Variants in ANKRD30BL observed in about 807,000 individuals in gnomAD.
ANKRD30BL encodes ankyrin repeat domain 30B like.
Under a neutral mutation model 18.4 loss-of-function variants are expected in ANKRD30BL, and 20 were observed. That is an observed-to-expected ratio of 1.09 (90% CI 0.77 to 1.58). The LOEUF is 1.58. Among genes scored for constraint, ANKRD30BL ranks in the 40% most tolerant of loss-of-function variants. ANKRD30BL has a pLI of 0.00. For synonymous variants in ANKRD30BL, 72 were observed against 100.9 expected (o/e 0.71, Z 1.72); for missense variants, 224 against 268.6 (o/e 0.83, Z 1.16).
intron 1 of ANKRD30BL, among the ~76,000 whole-genome samples, chr2:132,220,731 C>G (rs1362789964): frequency 6.6e-6 from 1 of 152,066 alleles, no homozygotes; most frequent in Non-Finnish European, 1.5e-5. Context: ...CACCTCCCAG[C>G]CGCCTGCCTT....
At chr2:132,254,664 G>A (rs1680771413) in intron 1 of ANKRD30BL, among the ~76,000 whole-genome samples, 1 of 152,258 alleles carries the variant, frequency 6.6e-6, no homozygotes, top group East Asian at 1.9e-4. Flanking sequence ...GGCACACGCT[G>A]AGCCAGTCAG....
chr2:132,252,374 C>G (rs1461757165), intron 1 of ANKRD30BL, among the ~76,000 whole-genome samples: 2 of 152,238 alleles, frequency 1.3e-5, no homozygotes, highest in Non-Finnish European at 1.5e-5. Flanking sequence ...GCCCCAGGCA[C>G]AGCCCAGAGC....
chr2:132,214,369 T>C (rs1332950271), intron 1 of ANKRD30BL, among the ~76,000 whole-genome samples: 2 of 152,074 alleles, frequency 1.3e-5, no homozygotes, highest in East Asian at 3.9e-4. Flanking sequence ...AGAAACTTGT[T>C]TGTGATCTGT....
At position 132,161,718 on chromosome 2, in the gene ANKRD30BL, C is replaced by T. The variant is rs922608235; in HGVS notation, c.-13G>A. Reference sequence around the variant, plus strand: ...AGAGCCTCTCCATGGCTGCAGCCACCTGCTAGAGAGAGCCCGTGCCTCCCG... The same window carrying T: ...AGAGCCTCTCCATGGCTGCAGCCACTTGCTAGAGAGAGCCCGTGCCTCCCG... On this transcript the variant is annotated 5_prime_UTR_variant, in exon 1 of 6. Transcript: ENST00000409867. The T allele has an allele frequency of 2.9e-5, 38 of 1,325,722 alleles. No homozygotes were observed. The African/African-American group carries it at 3.5e-4, about 12-fold the overall frequency. 82.1% of individuals were successfully genotyped at this position (1,325,722 alleles called of 1,614,324 possible).
At position 132,161,915 on chromosome 2, in the gene ANKRD30BL, C is replaced by G. The variant is rs79351052; in HGVS notation, c.-210G>C. 1.9e-5 allele frequency: 10 copies of G among 530,554 alleles called. No individual in the cohort carries two copies. Among genetic ancestry groups the G allele is most frequent in the South Asian group, 6.7e-5 (3 of 44,976 alleles). The allele number at this position is 530,554 out of a possible 1,614,324, so 32.9% of individuals were successfully genotyped here. A position where few individuals can be genotyped will look rare whatever the true frequency, so the allele number is the denominator to read the frequency against. ...GGCAGCTGAGCAGAACCGTTAGGCACCTGAGCAGAACCTTTAGGCAGCTGA... is the reference window on the plus strand; with the variant it reads ...GGCAGCTGAGCAGAACCGTTAGGCAGCTGAGCAGAACCTTTAGGCAGCTGA... On this transcript the variant is annotated 5_prime_UTR_variant, in exon 1 of 6. Transcript: ENST00000409867.
chr2:132,238,916 C>T (rs775418922), intron 1 of ANKRD30BL, among the ~76,000 whole-genome samples: 2 of 151,646 alleles, frequency 1.3e-5, no homozygotes, highest in Non-Finnish European at 2.9e-5. Context: ...TGGAAGTGGA[C>T]ATTTGGAGTG....
At chr2:132,204,689 C>A (rs1295013377) in intron 1 of ANKRD30BL, among the ~76,000 whole-genome samples, 3 of 151,988 alleles carry the variant, frequency 2.0e-5, no homozygotes, top group African/African-American at 4.8e-5. Context: ...GTAGAAACAG[C>A]TGAACTTAAT....
chr2:132,245,197 G>A (rs1680462335), intron 1 of ANKRD30BL, among the ~76,000 whole-genome samples: 1 of 152,294 alleles, frequency 6.6e-6, no homozygotes. Context: ...GAGCAGATTG[G>A]AAACAGTCTT....
chr2:132,250,666 A>T (rs372998805), intron 1 of ANKRD30BL, among the ~76,000 whole-genome samples: 1 of 152,234 alleles, frequency 6.6e-6, no homozygotes, highest in Non-Finnish European at 1.5e-5. Context: ...AAGGTGATTC[A>T]TCAGGTTTGG....
At chr2:132,216,262 C>T (rs886463375) in intron 1 of ANKRD30BL, among the ~76,000 whole-genome samples, 15 of 152,020 alleles carry the variant, frequency 9.9e-5, no homozygotes, top group Non-Finnish European at 1.9e-4. Context: ...TTGAAACTTA[C>T]TTTTGATTGA....
intron 1 of ANKRD30BL, among the ~76,000 whole-genome samples, chr2:132,190,546 G>C (rs1678825624): frequency 6.6e-6 from 1 of 151,518 alleles, no homozygotes. Context: ...AAGTCCCTTT[G>C]CAGGTATAAA....
chr2:132,183,214 C>T (rs1369838081), intron 1 of ANKRD30BL, among the ~76,000 whole-genome samples: 1 of 151,314 alleles, frequency 6.6e-6, no homozygotes, highest in Non-Finnish European at 1.5e-5. Flanking sequence ...TCGTTGTGAC[C>T]TTTACCTCCC....
chr2:132,239,712 C>A (rs866588796), intron 1 of ANKRD30BL, among the ~76,000 whole-genome samples: 1 of 151,908 alleles, frequency 6.6e-6, no homozygotes, highest in Non-Finnish European at 1.5e-5. Context: ...CAGAGTTGAA[C>A]ATTCCCTTTC....
At chr2:132,179,420 C>G (rs1309840862) in intron 1 of ANKRD30BL, among the ~76,000 whole-genome samples, 1 of 151,836 alleles carries the variant, frequency 6.6e-6, no homozygotes, top group Non-Finnish European at 1.5e-5. Context: ...TCCCAAGTAC[C>G]TGGGACTACA....
At chr2:132,198,298 TTCTTTCTTTCTTTCTTTCTTTCTTTC>T (rs1281346104) in intron 1 of ANKRD30BL, among the ~76,000 whole-genome samples, 6 of 11,090 alleles carry the variant, frequency 5.4e-4, no homozygotes, top group African/African-American at 1.4e-3. Context: ...CTTTCTTTCT[TTCTTTCTTTCTTTCTTTCTTTCTTTC>T]TTTTTTTTTT....
intron 1 of ANKRD30BL, among the ~76,000 whole-genome samples, chr2:132,231,263 T>C (rs1680002388): frequency 6.6e-6 from 1 of 152,108 alleles, no homozygotes; most frequent in Non-Finnish European, 1.5e-5. Flanking sequence ...CCTGTCTTTT[T>C]GAAGAAATGC....
chr2:132,176,826 T>C (rs1416451857), intron 1 of ANKRD30BL, among the ~76,000 whole-genome samples: 5 of 152,156 alleles, frequency 3.3e-5, no homozygotes, highest in African/African-American at 1.2e-4. Context: ...TGCTTATGCT[T>C]AGGATTTAGG....
chr2:132,202,035 C>T (rs1023050525), intron 1 of ANKRD30BL, among the ~76,000 whole-genome samples: 1 of 152,086 alleles, frequency 6.6e-6, no homozygotes, highest in Non-Finnish European at 1.5e-5. Context: ...AGTAAACTAT[C>T]GCAAGAACAA....
intron 5 of ANKRD30BL, among the ~76,000 whole-genome samples, chr2:132,150,068 G>T (rs963501114): frequency 1.3e-5 from 2 of 152,042 alleles, no homozygotes; most frequent in African/African-American, 4.8e-5. Flanking sequence ...ATTTTCAGCT[G>T]CATGGGGGGA....
Sources: gnomAD v4.1 joint callset for allele counts (sites outside exome capture counted in the v4.1 genomes callset) on GRCh38, gnomAD v4.1.1 for gene constraint, MANE v1.5 for transcripts, NCBI Gene and HGNC (gene_info 2026-07-23, HGNC 2026-07-21) for gene names.